Variants in OR1L6 observed in about 807,000 individuals in gnomAD.
The protein encoded by OR1L6 is olfactory receptor family 1 subfamily L member 6, also known as olfactory receptor 1L6.
In OR1L6, 2 loss-of-function variants were observed where a neutral mutation model predicts 3.0. The ratio of observed to expected loss-of-function variants is 0.68; its 90% confidence interval spans 0.28 to 2.13. OR1L6 has a LOEUF of 2.13. Ranked by LOEUF, OR1L6 falls within the 30% of genes most tolerant of loss-of-function variation. The probability of loss-of-function intolerance (pLI) is 0.14; values close to 1 mark genes in which losing one functional copy is unlikely to be tolerated. For synonymous variants in OR1L6, 121 were observed against 148.4 expected (o/e 0.82, Z 1.34); for missense variants, 304 against 378.4 (o/e 0.80, Z 1.63).
At chr9:122,744,961 A>T (rs1221000814) in intron 1 of OR1L6, among the ~76,000 whole-genome samples, 2 of 152,202 alleles carry the variant, frequency 1.3e-5, no homozygotes, top group African/African-American at 4.8e-5. Flanking sequence ...AGTTCAAGCC[A>T]AGGGTGATGA....
intron 1 of OR1L6, among the ~76,000 whole-genome samples, chr9:122,744,725 T>G (rs117431375): frequency 0.013 from 1,937 of 152,322 alleles, 20 homozygotes; most frequent in Non-Finnish European, 0.021. Context: ...TGCTAATCAC[T>G]TGCAGTAGAG....
intron 1 of OR1L6, among the ~76,000 whole-genome samples, chr9:122,748,142 T>TA (rs1183716386): frequency 6.6e-6 from 1 of 152,162 alleles, no homozygotes; most frequent in African/African-American, 2.4e-5. Context: ...ATCCACATCA[T>TA]ATTAACCAAA....
intron 1 of OR1L6, among the ~76,000 whole-genome samples, chr9:122,749,471 C>T (rs1431003182): frequency 2.0e-5 from 3 of 152,128 alleles, no homozygotes; most frequent in Admixed American, 6.5e-5. Flanking sequence ...TGGATTTTTA[C>T]TACCTGTTTC....
intron 1 of OR1L6, among the ~76,000 whole-genome samples, chr9:122,749,315 A>G (rs1353905949): frequency 1.3e-5 from 2 of 151,972 alleles, no homozygotes; most frequent in Non-Finnish European, 2.9e-5. Flanking sequence ...GTTGATAGGG[A>G]TTATGTTCAG....
chr9:122,745,955 T>C (rs1324587369), intron 1 of OR1L6, among the ~76,000 whole-genome samples: 1 of 152,172 alleles, frequency 6.6e-6, no homozygotes, highest in Non-Finnish European at 1.5e-5. Flanking sequence ...TCCTTACCCA[T>C]CAAACTGTCA....
intron 1 of OR1L6, among the ~76,000 whole-genome samples, chr9:122,747,637 G>A (rs1181903782): frequency 1.3e-5 from 2 of 151,688 alleles, no homozygotes; most frequent in African/African-American, 2.4e-5. Flanking sequence ...TTATTGCTCA[G>A]GTTTACTCCT....
At chr9:122,745,559 C>T (rs1410704583) in intron 1 of OR1L6, among the ~76,000 whole-genome samples, 3 of 151,412 alleles carry the variant, frequency 2.0e-5, no homozygotes, top group Non-Finnish European at 4.4e-5. Flanking sequence ...ACTGCAGGCG[C>T]CCACCACAAC....
rs1229883844 is a variant in OR1L6 at position 122,750,026 on chromosome 9, T to C, written c.179T>C (p.Met60Thr). The C allele has an allele frequency of 1.2e-6, 2 of 1,614,188 alleles. No individual in the cohort carries two copies. Among genetic ancestry groups the C allele is most frequent in the South Asian group, 2.2e-5 (2 of 91,080 alleles). The part of the protein sequence containing the change: ...IYSDPRLHTP[M>T]YFFLSNLSFM... Reference sequence around the variant, plus strand: ...TCTGACCCCAGGCTCCACACCCCTATGTACTTTTTTCTCAGCAACTTGTCT... The same window carrying C: ...TCTGACCCCAGGCTCCACACCCCTACGTACTTTTTTCTCAGCAACTTGTCT... Residue 60 changes from methionine to threonine, a missense_variant, in exon 2 of 2, where the codon ATG becomes ACG. Coordinates refer to ENST00000304720, the MANE Select transcript of OR1L6 (RefSeq NM_001004453.3).
Position 122,750,727 on chromosome 9 carries a change from A to T in OR1L6, c.880A>T (p.Arg294Trp), listed in dbSNP as rs750902696. 5.0e-6 allele frequency: 8 copies of T among 1,612,644 alleles called. No individual in the cohort carries two copies. In the African/African-American group the frequency reaches 9.3e-5, roughly 19 times the overall value. The change falls in exon 2 of 2, where the codon AGG (arginine) becomes TGG (tryptophan). Residue 294 changes from arginine (R) to tryptophan (W), a missense_variant. Around this residue, in one of 3 missense-constraint regions of OR1L6, gnomAD observed 91 missense variants for 87.8 expected, o/e 1.04. Transcript: ENST00000304720. ...GCTGAACCCTTTCATCTACAGCCTGAGGAACAAAGATATGAAGAGGGGTTT... is the reference window on the plus strand; with the variant it reads ...GCTGAACCCTTTCATCTACAGCCTGTGGAACAAAGATATGAAGAGGGGTTT... ...PMLNPFIYSL[R>W]NKDMKRGLKK...
chr9:122,745,160 A>G (rs1828822947), intron 1 of OR1L6, among the ~76,000 whole-genome samples: 2 of 152,226 alleles, frequency 1.3e-5, no homozygotes, highest in Admixed American at 6.5e-5. Flanking sequence ...TTAGCATTCC[A>G]TATCTCAAGA....
intron 1 of OR1L6, among the ~76,000 whole-genome samples, chr9:122,744,914 G>A (rs1418955226): frequency 1.3e-5 from 2 of 152,194 alleles, no homozygotes; most frequent in Admixed American, 1.3e-4. Context: ...CTAAGTTACT[G>A]CCCCTGAGAA....
At chr9:122,748,772 G>A (rs1266632550) in intron 1 of OR1L6, among the ~76,000 whole-genome samples, 3 of 152,142 alleles carry the variant, frequency 2.0e-5, no homozygotes, top group African/African-American at 7.2e-5. Flanking sequence ...ACTTATGAGT[G>A]AGAACATGTG....
At chr9:122,744,804 G>A (rs575430592) in intron 1 of OR1L6, among the ~76,000 whole-genome samples, 31 of 152,298 alleles carry the variant, frequency 2.0e-4, no homozygotes, top group African/African-American at 6.7e-4. Context: ...ACACACACAA[G>A]CATACATGTG....
At chr9:122,746,645 GA>G (rs2118908596) in intron 1 of OR1L6, among the ~76,000 whole-genome samples, 1 of 152,278 alleles carries the variant, frequency 6.6e-6, no homozygotes, top group African/African-American at 2.4e-5. Flanking sequence ...ATTGGACAAA[GA>G]AGTGCAGATT....
chr9:122,745,427 A>T (rs3919519), intron 1 of OR1L6, among the ~76,000 whole-genome samples: 130,235 of 131,048 alleles, frequency 0.99, 64,712 homozygotes, highest in Middle Eastern at 1. Flanking sequence ...TTTTTTTTTT[A>T]TTTGAGATGG....
In OR1L6 at chr9:122,750,112, G is replaced by A; in HGVS notation, c.265G>A (p.Glu89Lys). ...VPKMLVNFLS[E>K]TKVISYVGCL... ...TAAGATGCTGGTGAATTTTCTATCA[G>A]AGACAAAGGTTATCTCCTATGTGGG... Residue 89 changes from glutamate (E) to lysine (K), a missense_variant, in exon 2 of 2, where the codon GAG becomes AAG. Coordinates refer to ENST00000304720, the MANE Select transcript of OR1L6 (RefSeq NM_001004453.3). The A allele has an allele frequency of 1.2e-6, 2 of 1,613,982 alleles. No homozygotes were observed. The highest frequency in any genetic ancestry group is 1.7e-6 in the Non-Finnish European group (2 of 1,179,938).
At chr9:122,742,469 A>AT (rs1828801130) in intron 1 of OR1L6, 96 bp downstream of exon 1, 2 of 152,078 alleles carry the variant, frequency 1.3e-5, no homozygotes, top group Non-Finnish European at 2.9e-5. Context: ...TCTCTCCTCC[A>AT]TCTCAAAAGC....
intron 1 of OR1L6, among the ~76,000 whole-genome samples, chr9:122,743,652 A>AAGGTC (rs1363571180): frequency 6.6e-6 from 1 of 152,194 alleles, no homozygotes; most frequent in African/African-American, 2.4e-5. Context: ...CAGAGATCTT[A>AAGGTC]AGGTCAGGTG....
At chr9:122,742,450 T>C (rs113823757) in intron 1 of OR1L6, 77 bp downstream of exon 1, 2 of 152,240 alleles carry the variant, frequency 1.3e-5, no homozygotes, top group Admixed American at 1.3e-4. Flanking sequence ...CTTTTCCTTA[T>C]CCTGTTTTTC....
Sources: gnomAD v4.1 joint callset for allele counts (sites outside exome capture counted in the v4.1 genomes callset) on GRCh38, gnomAD v4.1.1 for gene constraint, gnomAD v4.1.1 regional missense constraint, MANE v1.5 for transcripts, NCBI Gene and HGNC (gene_info 2026-07-23, HGNC 2026-07-21) for gene names.